SH3RF3: variants seen among roughly 807,000 people sequenced by gnomAD.
The protein encoded by SH3RF3 is SH3 domain containing ring finger 3, also known as E3 ubiquitin-protein ligase SH3RF3.
In SH3RF3, 29 loss-of-function variants were observed where a neutral mutation model predicts 66.3. That is an observed-to-expected ratio of 0.44 (90% CI 0.33 to 0.60). The LOEUF (loss-of-function observed/expected upper bound fraction) is 0.60. SH3RF3 is among the 20% of genes least tolerant of loss of function. SH3RF3 has a pLI of 0.04. For missense variants in SH3RF3, 1,194 were observed against 1,190.9 expected, an observed-to-expected ratio of 1.00 and a Z score of -0.04; for synonymous variants, 583 against 532.0, an observed-to-expected ratio of 1.10 and a Z score of -1.32.
At chr2:109,196,227 G>A (rs1678496022) in intron 1 of SH3RF3, among the ~76,000 whole-genome samples, 1 of 152,188 alleles carries the variant, frequency 6.6e-6, no homozygotes, top group African/African-American at 2.4e-5. Context: ...GGGTGTTTGG[G>A]ACGGCAGAGA....
At chr2:109,181,026 C>G (rs1384726402) in intron 1 of SH3RF3, among the ~76,000 whole-genome samples, 1 of 152,192 alleles carries the variant, frequency 6.6e-6, no homozygotes. Context: ...CCCTTCTTGA[C>G]AAAGTCCTTT....
At chr2:109,222,992 G>A (rs1679289782) in intron 1 of SH3RF3, among the ~76,000 whole-genome samples, 1 of 152,220 alleles carries the variant, frequency 6.6e-6, no homozygotes. Context: ...TGTACTCACT[G>A]CACCCTTCAG....
chr2:109,166,586 C>T (rs572312081), intron 1 of SH3RF3, among the ~76,000 whole-genome samples: 110 of 152,150 alleles, frequency 7.2e-4, no homozygotes, highest in Middle Eastern at 6.8e-3. Flanking sequence ...AAAGATTATT[C>T]AGAAAAAATT....
chr2:109,335,255 G>A lies in SH3RF3; in HGVS notation c.574-12419G>A, dbSNP rs571139290. On this transcript the variant is annotated intron_variant, in intron 1 of 9. Transcript: ENST00000309415. ...GACTGTGGGGCAAGGCCCCTCGCCCGTCCCACACGAGAACGGCTCTTTCTA... is the reference window on the plus strand; with the variant it reads ...GACTGTGGGGCAAGGCCCCTCGCCCATCCCACACGAGAACGGCTCTTTCTA... Among the ~76,000 whole-genome samples, 11 of 152,322 alleles carry A rather than the reference G, an allele frequency of 7.2e-5. No homozygotes were observed. In the South Asian group the frequency reaches 2.1e-3, roughly 29 times the overall value.
At position 109,216,911 on chromosome 2, in the gene SH3RF3, A is replaced by G. The variant is rs141188356; in HGVS notation, c.573+86798A>G. Reference sequence around the variant, plus strand: ...CTTCAGAACTCTTTTCGTCTTCCCAAACCGAAATTCTGTCCCCATAAACAC... The same window carrying G: ...CTTCAGAACTCTTTTCGTCTTCCCAGACCGAAATTCTGTCCCCATAAACAC... On this transcript the variant is annotated intron_variant, in intron 1 of 9. Transcript: ENST00000309415. Among the ~76,000 whole-genome samples the G allele has an allele frequency of 5.4e-4, 82 of 152,182 alleles. 7 individuals carry two copies. The highest frequency in any genetic ancestry group is 4.8e-5 in the African/African-American group (2 of 41,442).
intron 1 of SH3RF3, among the ~76,000 whole-genome samples, chr2:109,202,951 G>A (rs1448964169): frequency 6.6e-6 from 1 of 152,194 alleles, no homozygotes; most frequent in Admixed American, 6.5e-5. Context: ...AAACACAATG[G>A]GAGCTGGTCT....
intron 9 of SH3RF3, among the ~76,000 whole-genome samples, chr2:109,497,729 A>C (rs1679291528): frequency 6.6e-6 from 1 of 152,230 alleles, no homozygotes; most frequent in South Asian, 2.1e-4. Flanking sequence ...GTCTCGTATA[A>C]ATTCAGCCCA....
intron 8 of SH3RF3, among the ~76,000 whole-genome samples, chr2:109,471,039 G>A (rs925639292): frequency 6.6e-6 from 1 of 151,952 alleles, no homozygotes; most frequent in African/African-American, 2.4e-5. Flanking sequence ...AGCCAACATG[G>A]TGAAACCCCA....
intron 4 of SH3RF3, among the ~76,000 whole-genome samples, chr2:109,404,972 A>C (rs1676417310): frequency 6.6e-6 from 1 of 150,550 alleles, no homozygotes; most frequent in South Asian, 2.1e-4. Context: ...CCCTCCTGCC[A>C]GACCCTCTTT....
chr2:109,349,386 G>A (rs1309302090), intron 2 of SH3RF3, among the ~76,000 whole-genome samples: 1 of 152,174 alleles, frequency 6.6e-6, no homozygotes, highest in Non-Finnish European at 1.5e-5. Flanking sequence ...AGCTTCCCGG[G>A]AAACTGCACT....
intron 1 of SH3RF3, among the ~76,000 whole-genome samples, chr2:109,315,619 C>T (rs945146032): frequency 1.8e-4 from 27 of 152,322 alleles, no homozygotes; most frequent in African/African-American, 3.8e-4. Flanking sequence ...TGCACAAGGA[C>T]GTGTGTGTCC....
intron 1 of SH3RF3, among the ~76,000 whole-genome samples, chr2:109,278,414 C>G (rs1046811820): frequency 1.3e-5 from 2 of 152,156 alleles, no homozygotes; most frequent in Admixed American, 6.5e-5. Flanking sequence ...GGGATAATTT[C>G]ATCTAACTTG....
At chr2:109,468,079 A>G (rs183001786) in intron 8 of SH3RF3, among the ~76,000 whole-genome samples, 191 of 152,358 alleles carry the variant, frequency 1.3e-3, no homozygotes, top group African/African-American at 3.9e-3. Flanking sequence ...AAAACTAGCT[A>G]GATACGGTCA....
Position 109,129,468 on chromosome 2 carries a change from G to C in SH3RF3, c.-73G>C. 6.7e-7 allele frequency: 1 copy of C among 1,494,568 alleles called. No homozygotes were observed. Among genetic ancestry groups the C allele is most frequent in the Non-Finnish European group, 8.9e-7 (1 of 1,127,392 alleles). 92.6% of individuals were successfully genotyped at this position (1,494,568 alleles called of 1,614,324 possible). A position where few individuals can be genotyped will look rare whatever the true frequency, so the allele number is the denominator to read the frequency against. ...GCCCGGCTCCCCAGTCCTGATGCTGGCTGCCGGTGGCGGGCTCCACGCCGG... is the reference window on the plus strand; with the variant it reads ...GCCCGGCTCCCCAGTCCTGATGCTGCCTGCCGGTGGCGGGCTCCACGCCGG... On this transcript the variant is annotated 5_prime_UTR_variant, in exon 1 of 10. Coordinates refer to ENST00000309415, the MANE Select transcript of SH3RF3 (RefSeq NM_001099289.3).
rs369980776 is a variant in SH3RF3, at chr2:109,375,539, G to A, written c.945+3858G>A. Among the ~76,000 whole-genome samples the A allele has an allele frequency of 6.6e-5, 10 of 152,326 alleles. No individual in the cohort carries two copies. In the East Asian group the frequency reaches 1.4e-3, roughly 21 times the overall value. On this transcript the variant is annotated intron_variant, in intron 3 of 9. Transcript: ENST00000309415. ...AACACTCCACCGGGCCTTCCTTCTG[G>A]GTCTTTAGCCCTTGAGGTTTTTCAG... is the stretch of plus-strand genomic sequence containing the variant.
rs553652313 is a variant in SH3RF3, at chr2:109,180,986, A to G, written c.573+50873A>G. ...CCCTGATGCAAGCTTCCTCAGATTG[A>G]TAACATTCCAATCCTACTTACCAAT... On this transcript the variant is annotated intron_variant, in intron 1 of 9. Coordinates refer to ENST00000309415, the MANE Select transcript of SH3RF3 (RefSeq NM_001099289.3). Among the ~76,000 whole-genome samples, 3 of 152,322 alleles carry G rather than the reference A, an allele frequency of 2.0e-5. No homozygotes were observed. The South Asian group carries it at 6.2e-4, about 32-fold the overall frequency.
intron 3 of SH3RF3, among the ~76,000 whole-genome samples, chr2:109,387,351 T>C (rs1675850550): frequency 6.6e-6 from 1 of 152,116 alleles, no homozygotes; most frequent in Non-Finnish European, 1.5e-5. Context: ...CGGTTCCCCA[T>C]CTCAGGGGAG....
chr2:109,434,414 C>T (rs558859395), intron 6 of SH3RF3, among the ~76,000 whole-genome samples: 2 of 152,344 alleles, frequency 1.3e-5, no homozygotes, highest in South Asian at 4.1e-4. Context: ...CGCAGACCTT[C>T]AGAGATGTAA....
chr2:109,344,311 G>T lies in SH3RF3; in HGVS notation c.574-3363G>T, dbSNP rs536777866. The stretch of plus-strand genomic sequence containing the variant: ...TGCTGATGGAATTAGGAGGGCACAG[G>T]TGGTGACGGGGGAGCAGTGTGGATT... On this transcript the variant is annotated intron_variant, in intron 1 of 9. Coordinates refer to ENST00000309415, the MANE Select transcript of SH3RF3 (RefSeq NM_001099289.3). Among the ~76,000 whole-genome samples the T allele has an allele frequency of 3.3e-5, 5 of 152,336 alleles. No homozygotes were observed. In the East Asian group the frequency reaches 9.6e-4, roughly 29 times the overall value.
Sources: gnomAD v4.1 joint callset for allele counts (sites outside exome capture counted in the v4.1 genomes callset) on GRCh38, gnomAD v4.1.1 for gene constraint, MANE v1.5 for transcripts, NCBI Gene and HGNC (gene_info 2026-07-23, HGNC 2026-07-21) for gene names.